COL14A1: variants seen among roughly 807,000 people sequenced by gnomAD.
COL14A1 encodes the protein collagen type XIV alpha 1 chain.
COL14A1 carries 136 observed loss-of-function variants against 230.3 expected under a neutral mutation model. The ratio of observed to expected loss-of-function variants is 0.59; its 90% CI spans 0.51 to 0.68. The LOEUF (loss-of-function observed/expected upper bound fraction) is 0.68. COL14A1 is among the 30% of genes least tolerant of loss of function. The pLI is 0.00. For missense variants in COL14A1, 1,976 were observed against 2,215.8 expected, an observed-to-expected ratio of 0.89 and a Z score of 2.17; for synonymous variants, 792 against 784.1, an observed-to-expected ratio of 1.01 and a Z score of -0.17.
chr8:120,170,081 C>T (rs1392505905), intron 5 of COL14A1, among the ~76,000 whole-genome samples: 1 of 151,946 alleles, frequency 6.6e-6, no homozygotes, highest in Non-Finnish European at 1.5e-5. Context: ...CTTATGTCTC[C>T]TTCTGTACAA....
intron 5 of COL14A1, among the ~76,000 whole-genome samples, chr8:120,193,032 T>C (rs1816883090): frequency 1.3e-5 from 2 of 152,234 alleles, no homozygotes; most frequent in Non-Finnish European, 2.9e-5. Context: ...GTCTGAAGCC[T>C]TCTTCTCTCA....
intron 5 of COL14A1, among the ~76,000 whole-genome samples, chr8:120,182,997 G>A (rs570901334): frequency 1.3e-5 from 2 of 152,134 alleles, no homozygotes; most frequent in East Asian, 3.9e-4. Flanking sequence ...AAAATGCTGG[G>A]ATTACGGGCA....
intron 18 of COL14A1, among the ~76,000 whole-genome samples, chr8:120,229,245 A>T (rs571928344): frequency 9.3e-5 from 13 of 139,908 alleles, no homozygotes; most frequent in Admixed American, 8.5e-4. Flanking sequence ...ATATCTCCCA[A>T]TGCTATCCCT....
intron 21 of COL14A1, among the ~76,000 whole-genome samples, chr8:120,248,880 C>T (rs554902443): frequency 6.9e-6 from 1 of 145,956 alleles, no homozygotes; most frequent in South Asian, 2.2e-4. Context: ...AATATAAGCA[C>T]TTTCTGCCTT....
At chr8:120,261,139 G>A (rs1232733074) in intron 23 of COL14A1, among the ~76,000 whole-genome samples, 1 of 152,188 alleles carries the variant, frequency 6.6e-6, no homozygotes, top group African/African-American at 2.4e-5. Context: ...AATGTTTGAA[G>A]TGATGGATAT....
chr8:120,147,811 T>G lies in COL14A1; in HGVS notation c.-32T>G. 1.9e-6 allele frequency: 3 copies of G among 1,554,054 alleles called. No individual in the cohort carries two copies. Among genetic ancestry groups the G allele is most frequent in the Non-Finnish European group, 2.7e-6 (3 of 1,129,836 alleles). On this transcript the variant is annotated 5_prime_UTR_variant, in exon 2 of 48. Coordinates refer to ENST00000297848, the MANE Select transcript of COL14A1 (RefSeq NM_021110.4). Reference sequence around the variant, plus strand: ...CCTGTTCTCTCTGTTTCTAGGTGGCTGCTACACCCCATGTAAAAAGCGGAA... The same window carrying G: ...CCTGTTCTCTCTGTTTCTAGGTGGCGGCTACACCCCATGTAAAAAGCGGAA...
At chr8:120,315,917 A>C in intron 39 of COL14A1, 27 bp from the exon 40 acceptor site, 1 of 1,612,060 alleles carries the variant, frequency 6.2e-7, no homozygotes, top group Non-Finnish European at 8.5e-7. Context: ...TGTGAACCTG[A>C]CTCTTTTTTG....
intron 1 of COL14A1, among the ~76,000 whole-genome samples, chr8:120,131,594 T>C (rs1213929440): frequency 6.6e-6 from 1 of 152,134 alleles, no homozygotes; most frequent in Admixed American, 6.6e-5. Context: ...AAGTTCATTA[T>C]AGATTCTGGA....
chr8:120,265,701 T>C (rs555912547), intron 24 of COL14A1, among the ~76,000 whole-genome samples: 1 of 152,110 alleles, frequency 6.6e-6, no homozygotes, highest in East Asian at 1.9e-4. Flanking sequence ...GATTATGCCA[T>C]GGTATTCTGT....
Position 120,168,178 on chromosome 8 carries a change from A to G in COL14A1, c.367A>G (p.Arg123Gly). The G allele has an allele frequency of 1.2e-6, 2 of 1,611,802 alleles. No homozygotes were observed. Among genetic ancestry groups the G allele is most frequent in the Non-Finnish European group, 1.7e-6 (2 of 1,178,628 alleles). ...GQFRIKDLEK[R>G]KDPKPRVKVV... ...TCTTCCAGTTAAAGATTTAGAAAAAAGAAAGGATCCAAAGCCCAGAGTCAA... is the reference window on the plus strand; with the variant it reads ...TCTTCCAGTTAAAGATTTAGAAAAAGGAAAGGATCCAAAGCCCAGAGTCAA... Residue 123 changes from arginine (R) to glycine (G), a missense_variant, in exon 5 of 48, where the codon AGA (arginine) becomes GGA (glycine). Arg to Gly is a moderately radical substitution (Grantham distance 125). This residue lies in a region of COL14A1 where 181 missense variants were observed against 178.6 expected (regional missense o/e 1.01). Coordinates refer to ENST00000297848, the MANE Select transcript of COL14A1 (RefSeq NM_021110.4).
chr8:120,128,432 G>A lies in COL14A1; in HGVS notation c.-38+3092G>A, dbSNP rs141143728. Among the ~76,000 whole-genome samples, 886 of 152,246 alleles carry A rather than the reference G, an allele frequency of 5.8e-3. 3 individuals carry two copies. The highest frequency in any genetic ancestry group is 9.3e-3 in the Non-Finnish European group (632 of 68,020). ...TTGTATGGGATCACAAAGACAGCAA[G>A]TGACAGAAATATGATTAAGAAAAGT... is the stretch of plus-strand genomic sequence containing the variant. On this transcript the variant is annotated intron_variant, in intron 1 of 47. Transcript: ENST00000297848.
At chr8:120,228,491 G>A (rs1818162844) in intron 17 of COL14A1, among the ~76,000 whole-genome samples, 1 of 152,178 alleles carries the variant, frequency 6.6e-6, no homozygotes, top group Non-Finnish European at 1.5e-5. Context: ...TATCTGTGAT[G>A]AGAAACTTTA....
intron 1 of COL14A1, among the ~76,000 whole-genome samples, chr8:120,128,990 T>C (rs148061527): frequency 6.6e-6 from 1 of 152,302 alleles, no homozygotes; most frequent in Non-Finnish European, 1.5e-5. Flanking sequence ...GGTGGCCTTT[T>C]GTCTCTGGCT....
chr8:120,144,357 A>G (rs565013667), intron 1 of COL14A1, among the ~76,000 whole-genome samples: 10 of 152,322 alleles, frequency 6.6e-5, no homozygotes, highest in Admixed American at 1.3e-4. Context: ...GATAATTGCC[A>G]TAATAGGTAT....
intron 11 of COL14A1, 98 bp from the exon 12 acceptor site, chr8:120,209,658 T>G (rs1267908007): frequency 8.1e-7 from 1 of 1,228,946 alleles, no homozygotes; most frequent in Non-Finnish European, 1.1e-6. Context: ...CCTTTCTCCC[T>G]TCCCCTCAAA....
intron 14 of COL14A1, among the ~76,000 whole-genome samples, chr8:120,221,669 C>A (rs895058568): frequency 6.6e-6 from 1 of 151,964 alleles, no homozygotes; most frequent in African/African-American, 2.4e-5. Flanking sequence ...TATTTGATAT[C>A]TTTGCAAAAT....
In COL14A1 at chr8:120,192,625, A is replaced by G. The variant is rs557682829; in HGVS notation, c.437-4166A>G. On this transcript the variant is annotated intron_variant, in intron 5 of 47. Coordinates refer to ENST00000297848, the MANE Select transcript of COL14A1 (RefSeq NM_021110.4). ...TAGATTGGTGAAGTTCTCCTGGATA[A>G]TATCTTGCAGAGTGTTTTCCAACTT... Among the ~76,000 whole-genome samples, 177 of 152,276 alleles carry G rather than the reference A, an allele frequency of 1.2e-3. 1 individual carries two copies. Among genetic ancestry groups the G allele is most frequent in the African/African-American group, 4.1e-3 (171 of 41,544 alleles).
At chr8:120,227,984 G>A (rs1818149921) in intron 17 of COL14A1, among the ~76,000 whole-genome samples, 1 of 152,168 alleles carries the variant, frequency 6.6e-6, no homozygotes, top group Non-Finnish European at 1.5e-5. Flanking sequence ...GGGGGCATGG[G>A]AAGAAGTTGA....
rs1316652522 is a variant in COL14A1, at chr8:120,372,621, C to A, written c.*1390C>A. ...ATCATTTACAACTAGAAGCTGGATT[C>A]TTTCTGGATCAGGAAAAGGCTAACA... On this transcript the variant is annotated 3_prime_UTR_variant, in exon 48 of 48. Transcript: ENST00000297848. Among the ~76,000 whole-genome samples the A allele has an allele frequency of 1.3e-5, 2 of 152,186 alleles. No individual in the cohort carries two copies. The highest frequency in any genetic ancestry group is 6.5e-5 in the Admixed American group (1 of 15,270).
Sources: gnomAD v4.1 joint callset for allele counts (sites outside exome capture counted in the v4.1 genomes callset) on GRCh38, gnomAD v4.1.1 for gene constraint, gnomAD v4.1.1 regional missense constraint, MANE v1.5 for transcripts, NCBI Gene and HGNC (gene_info 2026-07-23, HGNC 2026-07-21) for gene names.